RIMS2: variants seen among roughly 807,000 people sequenced by gnomAD.
The protein encoded by RIMS2 is regulating synaptic membrane exocytosis 2.
In RIMS2, 59 loss-of-function variants were observed where a neutral mutation model predicts 174.4. The ratio of observed to expected loss-of-function variants is 0.34; its 90% confidence interval spans 0.27 to 0.42. The LOEUF (loss-of-function observed/expected upper bound fraction) is 0.42, where lower values mean the gene tolerates loss of function less well. Among genes scored for constraint, RIMS2 ranks in the 10% least tolerant of loss-of-function variants. The pLI is 1.00. For missense variants in RIMS2, 1,620 were observed against 1,666.3 expected (o/e 0.97, Z 0.48); for synonymous variants, 606 against 572.5 (o/e 1.06, Z -0.84).
chr8:104,142,895 C>T (rs1278025589), intron 19 of RIMS2, among the ~76,000 whole-genome samples: 1 of 152,130 alleles, frequency 6.6e-6, no homozygotes, highest in Non-Finnish European at 1.5e-5. Context: ...TGTTTATATA[C>T]AGTACTTGCA....
chr8:103,519,203 T>A (rs1371318080), intron 1 of RIMS2, among the ~76,000 whole-genome samples: 1 of 152,094 alleles, frequency 6.6e-6, no homozygotes, highest in Non-Finnish European at 1.5e-5. Context: ...ATACTATATA[T>A]CCTGAAATAT....
chr8:103,920,728 G>T, intron 9 of RIMS2: 1 of 456,524 alleles, frequency 2.2e-6, no homozygotes, highest in Non-Finnish European at 4.4e-6. Context: ...GGTGGCTCAC[G>T]CGTGTAATCC....
intron 2 of RIMS2, among the ~76,000 whole-genome samples, chr8:103,717,096 A>G (rs1431709626): frequency 1.3e-5 from 2 of 151,212 alleles, no homozygotes; most frequent in South Asian, 2.1e-4. Flanking sequence ...CATAAAACTC[A>G]AAGAGAATAT....
At chr8:103,512,026 G>A (rs1826697099) in intron 1 of RIMS2, among the ~76,000 whole-genome samples, 1 of 152,284 alleles carries the variant, frequency 6.6e-6, no homozygotes, top group South Asian at 2.1e-4. Flanking sequence ...GCTGGCTGAG[G>A]TGCTTAGGAA....
intron 6 of RIMS2, among the ~76,000 whole-genome samples, chr8:103,914,323 G>A (rs889587253): frequency 2.6e-5 from 4 of 152,172 alleles, no homozygotes; most frequent in African/African-American, 9.6e-5. Flanking sequence ...AAATACAGGA[G>A]TTACTAGTTA....
At chr8:103,706,311 T>C (rs2097224823) in intron 2 of RIMS2, among the ~76,000 whole-genome samples, 1 of 152,162 alleles carries the variant, frequency 6.6e-6, no homozygotes, top group Non-Finnish European at 1.5e-5. Flanking sequence ...AAACTTTTAG[T>C]CTTCATACTA....
chr8:103,602,061 C>A (rs2094776493), intron 1 of RIMS2, among the ~76,000 whole-genome samples: 1 of 152,252 alleles, frequency 6.6e-6, no homozygotes, highest in East Asian at 1.9e-4. Context: ...TTCTGGCTCA[C>A]TGCCACCTCT....
At chr8:103,686,512 C>T (rs1168151083) in intron 1 of RIMS2, among the ~76,000 whole-genome samples, 1 of 152,042 alleles carries the variant, frequency 6.6e-6, no homozygotes, top group Non-Finnish European at 1.5e-5. Flanking sequence ...TTGTCAATTC[C>T]TAGTTTGCTA....
intron 19 of RIMS2, among the ~76,000 whole-genome samples, chr8:104,066,643 T>G (rs992625175): frequency 1.3e-5 from 2 of 152,162 alleles, no homozygotes; most frequent in African/African-American, 4.8e-5. Flanking sequence ...TACTTGACTA[T>G]ATTTCACATT....
intron 19 of RIMS2, among the ~76,000 whole-genome samples, chr8:104,056,880 C>G (rs1209112361): frequency 6.6e-6 from 1 of 151,910 alleles, no homozygotes. Context: ...GAGCAACACC[C>G]TGTCTTAAAA....
chr8:103,827,802 T>C (rs2098800885), intron 3 of RIMS2, among the ~76,000 whole-genome samples: 1 of 151,590 alleles, frequency 6.6e-6, no homozygotes, highest in Non-Finnish European at 1.5e-5. Flanking sequence ...GCCACTGTAC[T>C]CCACCAGCCT....
chr8:103,903,256 G>A (rs1003372819), intron 4 of RIMS2, among the ~76,000 whole-genome samples: 3 of 152,048 alleles, frequency 2.0e-5, no homozygotes, highest in Non-Finnish European at 4.4e-5. Flanking sequence ...GATAAGGGGT[G>A]AAGTCAGTAT....
At chr8:103,912,967 G>T (rs56013881) in intron 6 of RIMS2, among the ~76,000 whole-genome samples, 2,299 of 106,930 alleles carry the variant, frequency 0.021, 45 homozygotes, top group Non-Finnish European at 0.036. Context: ...AACTTTTTTT[G>T]TTGTTTTTTT....
intron 19 of RIMS2, among the ~76,000 whole-genome samples, chr8:104,160,748 A>G (rs2098756125): frequency 6.6e-6 from 1 of 152,238 alleles, no homozygotes; most frequent in Admixed American, 6.5e-5. Context: ...TGTAAGAATC[A>G]TTTTAATGGA....
At chr8:103,661,305 T>A (rs2096597406) in intron 1 of RIMS2, among the ~76,000 whole-genome samples, 1 of 152,216 alleles carries the variant, frequency 6.6e-6, no homozygotes, top group South Asian at 2.1e-4. Context: ...TTGTTTCTAA[T>A]TTTTGCCTAT....
intron 1 of RIMS2, among the ~76,000 whole-genome samples, chr8:103,643,927 G>A (rs35802116): frequency 0.12 from 17,639 of 151,962 alleles, 1,369 homozygotes; most frequent in Non-Finnish European, 0.17. Flanking sequence ...CCTCAGGCCC[G>A]TTAAGCTTTG....
At chr8:103,910,003 T>C (rs1422036072) in intron 4 of RIMS2, 2 of 530,008 alleles carry the variant, frequency 3.8e-6, no homozygotes, top group Non-Finnish European at 3.4e-6. Flanking sequence ...TATATATATA[T>C]ATATAGTGAG....
Position 103,640,835 on chromosome 8 carries a change from T to C in RIMS2, c.177-56251T>C, listed in dbSNP as rs182338098. Among the ~76,000 whole-genome samples the C allele has an allele frequency of 9.9e-5, 15 of 152,244 alleles. No individual in the cohort carries two copies. In the East Asian group the frequency reaches 2.9e-3, roughly 29 times the overall value. ...AGAAGAATGTGTATTATGCTGTTGTTGGATGAAGCATTATAAAATGTTCAT... is the reference window on the plus strand; with the variant it reads ...AGAAGAATGTGTATTATGCTGTTGTCGGATGAAGCATTATAAAATGTTCAT... On this transcript the variant is annotated intron_variant, in intron 1 of 23. Coordinates refer to ENST00000504942, the Ensembl canonical transcript of RIMS2.
chr8:103,890,734 G>C (rs1346233541), intron 4 of RIMS2, among the ~76,000 whole-genome samples: 1 of 151,834 alleles, frequency 6.6e-6, no homozygotes, highest in Non-Finnish European at 1.5e-5. Flanking sequence ...GTAAGTCTTA[G>C]ATTGCTAATG....
Sources: gnomAD v4.1 joint callset for allele counts (sites outside exome capture counted in the v4.1 genomes callset) on GRCh38, gnomAD v4.1.1 for gene constraint, MANE v1.5 for transcripts, NCBI Gene and HGNC (gene_info 2026-07-23, HGNC 2026-07-21) for gene names.